Variants in ACTR3C observed in about 807,000 individuals in gnomAD.
ACTR3C encodes actin related protein 3C.
Under a neutral mutation model 26.3 loss-of-function variants are expected in ACTR3C, and 18 were observed. The ratio of observed to expected loss-of-function variants is 0.68; its 90% CI spans 0.47 to 1.01. The LOEUF (loss-of-function observed/expected upper bound fraction) is 1.01. ACTR3C is among the 50% of genes least tolerant of loss of function. ACTR3C has a pLI of 0.00. For missense variants in ACTR3C, 184 were observed against 250.7 expected, an observed-to-expected ratio of 0.73 and a Z score of 1.80; for synonymous variants, 55 against 94.5, an observed-to-expected ratio of 0.58 and a Z score of 2.42.
the ACTR3C span, among the ~76,000 whole-genome samples, chr7:150,146,961 C>T: frequency 1.9e-4 from 29 of 152,164 alleles, no homozygotes; most frequent in South Asian, 2.1e-4. Context: ...ATCAATTTTA[C>T]ACAGCATCTC....
At chr7:150,179,623 T>A in the ACTR3C span, among the ~76,000 whole-genome samples, 34 of 149,966 alleles carry the variant, frequency 2.3e-4, no homozygotes, top group Admixed American at 1.8e-3. Context: ...GTAGCTAGAC[T>A]AGAGGGGCGT....
the ACTR3C span, among the ~76,000 whole-genome samples, chr7:150,193,587 T>C: frequency 2.6e-5 from 4 of 152,034 alleles, no homozygotes; most frequent in Non-Finnish European, 5.9e-5. Flanking sequence ...CATGGCTTTG[T>C]TCATTACACA....
At chr7:150,120,252 G>C in the ACTR3C span, among the ~76,000 whole-genome samples, 1 of 152,062 alleles carries the variant, frequency 6.6e-6, no homozygotes, top group South Asian at 2.1e-4. Context: ...AACTGAAGGA[G>C]ATAGACACAC....
the ACTR3C span, among the ~76,000 whole-genome samples, chr7:150,112,285 C>A: frequency 2.6e-5 from 4 of 152,314 alleles, no homozygotes; most frequent in African/African-American, 9.6e-5. Flanking sequence ...GTGGATGAGG[C>A]CAGAACTTGG....
At chr7:150,048,637 C>A in the ACTR3C span, among the ~76,000 whole-genome samples, 1 of 151,738 alleles carries the variant, frequency 6.6e-6, no homozygotes. Context: ...GCAGCCGGCC[C>A]CGGGGCGCCC....
the ACTR3C span, among the ~76,000 whole-genome samples, chr7:149,960,681 A>C: frequency 4.8e-4 from 73 of 152,154 alleles, no homozygotes; most frequent in African/African-American, 1.8e-3. Context: ...AAGTGCCACC[A>C]AGAAAAAACA....
intron 1 of ACTR3C, among the ~76,000 whole-genome samples, chr7:150,320,676 T>C (rs575313903): frequency 1.3e-5 from 2 of 152,308 alleles, no homozygotes; most frequent in African/African-American, 4.8e-5. Flanking sequence ...AGCAGGAGAA[T>C]CACTTGAACC....
intron 1 of ACTR3C, among the ~76,000 whole-genome samples, chr7:150,311,427 C>T (rs1161904681): frequency 6.6e-6 from 1 of 152,232 alleles, no homozygotes; most frequent in Non-Finnish European, 1.5e-5. Context: ...CTATGCTCCA[C>T]TTACCCTCTA....
chr7:149,927,379 G>T, the ACTR3C span, among the ~76,000 whole-genome samples: 1 of 150,656 alleles, frequency 6.6e-6, no homozygotes, highest in Non-Finnish European at 1.5e-5. Flanking sequence ...CTTTTGGGAG[G>T]GCAAGGGACT....
At chr7:149,945,741 C>T in the ACTR3C span, among the ~76,000 whole-genome samples, 1 of 152,168 alleles carries the variant, frequency 6.6e-6, no homozygotes, top group African/African-American at 2.4e-5. Flanking sequence ...TGGAAGAAGC[C>T]TCTACTGAAA....
the ACTR3C span, among the ~76,000 whole-genome samples, chr7:150,198,551 TGA>T: frequency 7.3e-6 from 1 of 136,806 alleles, no homozygotes; most frequent in South Asian, 2.3e-4. Flanking sequence ...GTCTGGGAGG[TGA>T]GGAGCGTCTC....
the ACTR3C span, among the ~76,000 whole-genome samples, chr7:150,046,101 G>A: frequency 1.3e-5 from 2 of 152,296 alleles, no homozygotes; most frequent in East Asian, 3.9e-4. Context: ...TATTGAACCA[G>A]GGGAGTCTGG....
chr7:150,163,716 C>A, the ACTR3C span, among the ~76,000 whole-genome samples: 6 of 152,078 alleles, frequency 3.9e-5, no homozygotes, highest in Non-Finnish European at 8.8e-5. Flanking sequence ...TGGCGTGAAT[C>A]CGAGTCCAAG....
chr7:150,250,614 G>A (rs1409662801), intron 6 of ACTR3C, among the ~76,000 whole-genome samples: 1 of 151,934 alleles, frequency 6.6e-6, no homozygotes, highest in African/African-American at 2.4e-5. Context: ...TCCAGACAAG[G>A]CCATTGCGAG....
At chr7:150,007,166 A>G in the ACTR3C span, among the ~76,000 whole-genome samples, 8 of 145,724 alleles carry the variant, frequency 5.5e-5, no homozygotes, top group South Asian at 1.8e-3. Flanking sequence ...CGACCCAACG[A>G]ATGGCTCCAG....
chr7:149,897,320 G>T, the ACTR3C span, among the ~76,000 whole-genome samples: 151,132 of 152,338 alleles, frequency 0.99, 74,979 homozygotes, highest in Middle Eastern at 1. Context: ...GCTAATCTTT[G>T]GTTTGTGAGC....
the ACTR3C span, among the ~76,000 whole-genome samples, chr7:150,226,675 T>A: frequency 6.6e-6 from 1 of 152,172 alleles, no homozygotes; most frequent in Non-Finnish European, 1.5e-5. Context: ...TGACCTCAAG[T>A]GATCCATCTG....
chr7:150,282,427 G>A (rs1349426617), intron 6 of ACTR3C, among the ~76,000 whole-genome samples: 2 of 151,504 alleles, frequency 1.3e-5, no homozygotes, highest in African/African-American at 2.4e-5. Flanking sequence ...CCTCCTTTGT[G>A]TCTCTCCTTT....
the ACTR3C span, among the ~76,000 whole-genome samples, chr7:150,198,726 G>A: frequency 6.8e-5 from 10 of 146,786 alleles, no homozygotes; most frequent in South Asian, 4.3e-4. Context: ...GTCTCCGCCC[G>A]GCAGCCACCC....
Sources: allele counts gnomAD v4.1 joint callset (sites outside exome capture counted in the v4.1 genomes callset), GRCh38; gene constraint gnomAD v4.1.1; transcripts MANE v1.5; gene names NCBI Gene and HGNC (gene_info 2026-07-23, HGNC 2026-07-21).